The following CDH1 variants were observed in gnomAD, a reference collection of about 807,000 sequenced individuals.
The protein encoded by CDH1 is cadherin-1.
CDH1 carries 35 observed loss-of-function variants against 84.5 expected under a neutral mutation model. That is an observed-to-expected ratio of 0.41 (90% CI 0.32 to 0.55). CDH1 has a LOEUF of 0.55. CDH1 is among the 20% of genes least tolerant of loss of function. CDH1 has a pLI of 0.19. For synonymous variants in CDH1, 417 were observed against 439.0 expected (o/e 0.95, Z 0.63); for missense variants, 994 against 1,126.6 (o/e 0.88, Z 1.68).
chr16:68,793,655 G>T (rs1041448377), intron 2 of CDH1, among the ~76,000 whole-genome samples: 1 of 152,210 alleles, frequency 6.6e-6, no homozygotes, highest in Admixed American at 6.5e-5. Context: ...ACTTGGGGAG[G>T]CCAAGGCGGA....
Position 68,833,808 on chromosome 16 carries a change from C to T in CDH1, c.*309C>T, listed in dbSNP as rs562205897. Reference sequence around the variant, plus strand: ...ACAACTTTAGCATCAGAAGGTTCACCCAGCACCTTGCAGATTTTCTTAAGG... The same window carrying T: ...ACAACTTTAGCATCAGAAGGTTCACTCAGCACCTTGCAGATTTTCTTAAGG... On this transcript the variant is annotated 3_prime_UTR_variant, in exon 16 of 16. Transcript: ENST00000261769. The T allele has an allele frequency of 7.8e-5, 33 of 425,430 alleles. 1 individual carries two copies. The South Asian group carries it at 8.8e-4, about 11-fold the overall frequency. 26.4% of individuals were successfully genotyped at this position (425,430 alleles called of 1,614,324 possible).
At chr16:68,790,976 A>C (rs1159197746) in intron 2 of CDH1, among the ~76,000 whole-genome samples, 3 of 152,170 alleles carry the variant, frequency 2.0e-5, no homozygotes, top group Non-Finnish European at 2.9e-5. Flanking sequence ...TGTTGTCAAG[A>C]AGGGTATGGG....
At chr16:68,776,300 T>C (rs1212329551) in intron 2 of CDH1, among the ~76,000 whole-genome samples, 1 of 152,212 alleles carries the variant, frequency 6.6e-6, no homozygotes, top group Non-Finnish European at 1.5e-5. Context: ...TTTAGATTTC[T>C]TTTAATGTAG....
chr16:68,766,978 C>T (rs746412196), intron 2 of CDH1, among the ~76,000 whole-genome samples: 9 of 152,124 alleles, frequency 5.9e-5, no homozygotes, highest in Admixed American at 2.0e-4. Flanking sequence ...CTGCCTGTCT[C>T]GGCCTCCCAA....
intron 2 of CDH1, among the ~76,000 whole-genome samples, chr16:68,756,131 TA>T (rs113015556): frequency 0.06 from 8,930 of 149,432 alleles, 655 homozygotes; most frequent in African/African-American, 0.18. Flanking sequence ...ATTTAGGGCA[TA>T]TTTTTTTTTT....
rs962869343 is a variant in CDH1, at chr16:68,745,431, A to G, written c.163+7020A>G. 1.1e-4 allele frequency among the ~76,000 whole-genome samples: 16 copies of G among 150,120 alleles called. No individual in the cohort carries two copies. The East Asian group carries it at 2.9e-3, about 28-fold the overall frequency. Reference sequence around the variant, plus strand: ...GTGGCATGTGCATGTAGTCCCAACTACTCAGGAGGCTGAGGTGGGGGGATT... The same window carrying G: ...GTGGCATGTGCATGTAGTCCCAACTGCTCAGGAGGCTGAGGTGGGGGGATT... On this transcript the variant is annotated intron_variant, in intron 2 of 15. Transcript: ENST00000261769.
At chr16:68,762,912 CAAAAAAAAAAAAAAAAAAAA>C (rs55899466) in intron 2 of CDH1, among the ~76,000 whole-genome samples, 1 of 61,466 alleles carries the variant, frequency 1.6e-5, no homozygotes, top group South Asian at 9.2e-4. Context: ...GATTCCGTCT[CAAAAAAAAAAAAAAAAAAAA>C]AAAAAAAAAA....
At chr16:68,792,950 G>A (rs1256858036) in intron 2 of CDH1, among the ~76,000 whole-genome samples, 3 of 152,150 alleles carry the variant, frequency 2.0e-5, no homozygotes, top group African/African-American at 2.4e-5. Flanking sequence ...AGACAGAGAC[G>A]ATACATAATT....
At chr16:68,800,463 A>G (rs935914767) in intron 2 of CDH1, among the ~76,000 whole-genome samples, 1 of 152,246 alleles carries the variant, frequency 6.6e-6, no homozygotes. Flanking sequence ...CCCTGATGGA[A>G]GAAATGAAAA....
chr16:68,794,015 G>C (rs1000274223), intron 2 of CDH1, among the ~76,000 whole-genome samples: 1 of 151,028 alleles, frequency 6.6e-6, no homozygotes. Flanking sequence ...ATAGACTGTT[G>C]TTGTTGTCCA....
intron 15 of CDH1, 64 bp from the exon 16 acceptor site, chr16:68,833,226 T>TTGCCCCAGA: frequency 7.0e-7 from 1 of 1,426,744 alleles, no homozygotes; most frequent in Non-Finnish European, 9.9e-7. Flanking sequence ...GCTAGACTTC[T>TTGCCCCAGA]TGCCCCAGAT....
chr16:68,829,451 A>G (rs950329765), intron 14 of CDH1, among the ~76,000 whole-genome samples: 7 of 152,204 alleles, frequency 4.6e-5, no homozygotes, highest in African/African-American at 1.7e-4. Flanking sequence ...CATGCTACTC[A>G]CAATCCTTTG....
chr16:68,785,407 G>T (rs915270807), intron 2 of CDH1, among the ~76,000 whole-genome samples: 28 of 152,140 alleles, frequency 1.8e-4, no homozygotes, highest in Admixed American at 6.5e-4. Context: ...GGCCAGGCTG[G>T]TCTCCAACTC....
intron 2 of CDH1, among the ~76,000 whole-genome samples, chr16:68,758,166 A>G (rs1257278408): frequency 7.5e-6 from 1 of 133,018 alleles, no homozygotes; most frequent in Non-Finnish European, 1.6e-5. Flanking sequence ...CCTCTATCCC[A>G]ACCCCACCCC....
intron 2 of CDH1, among the ~76,000 whole-genome samples, chr16:68,772,280 G>T (rs922877892): frequency 1.3e-5 from 2 of 152,132 alleles, no homozygotes; most frequent in African/African-American, 4.8e-5. Flanking sequence ...TCCTCTTCGT[G>T]CCATGCATGG....
rs1366993331 is a variant in CDH1, at chr16:68,829,968, T to C, written c.2439+171T>C. Among the ~76,000 whole-genome samples the C allele has an allele frequency of 2.7e-5, 4 of 146,976 alleles. No homozygotes were observed. In the East Asian group the frequency reaches 5.9e-4, roughly 22 times the overall value. Reference sequence around the variant, plus strand: ...CTTTTTTTTTCTTTTTCTTTTTTTTTTTTTTTGAGACGAAGTTTCACTCTT... The same window carrying C: ...CTTTTTTTTTCTTTTTCTTTTTTTTCTTTTTTGAGACGAAGTTTCACTCTT... On this transcript the variant is annotated intron_variant, in intron 15 of 15. Coordinates refer to ENST00000261769, the MANE Select transcript of CDH1 (RefSeq NM_004360.5).
At chr16:68,756,593 A>C (rs751048930) in intron 2 of CDH1, among the ~76,000 whole-genome samples, 3 of 152,188 alleles carry the variant, frequency 2.0e-5, no homozygotes, top group South Asian at 2.1e-4. Context: ...GGTGACGTTC[A>C]TGTGGCTGGT....
At chr16:68,760,986 A>C (rs1466543794) in intron 2 of CDH1, among the ~76,000 whole-genome samples, 1 of 152,180 alleles carries the variant, frequency 6.6e-6, no homozygotes, top group African/African-American at 2.4e-5. Context: ...GGAATATGAC[A>C]GATGGTATAT....
Position 68,819,411 on chromosome 16 carries a change from T to C in CDH1, c.1697T>C (p.Ile566Thr), listed in dbSNP as rs763292288. ...VKNSTYTALI[I>T]ATDNGSPVAT... The stretch of plus-strand genomic sequence containing the variant: ...AACAGCACGTACACAGCCCTAATCA[T>C]AGCTACAGACAATGGTAAGGGGGCC... Residue 566 changes from isoleucine to threonine, a missense_variant, in exon 11 of 16, where the codon ATA (isoleucine) becomes ACA (threonine). Around this residue, in one of 3 missense-constraint regions of CDH1, gnomAD observed 769 missense variants for 881.8 expected, o/e 0.87. Transcript: ENST00000261769. The C allele has an allele frequency of 1.1e-5, 17 of 1,613,588 alleles. No homozygotes were observed. The highest frequency in any genetic ancestry group is 1.4e-5 in the Non-Finnish European group (17 of 1,180,028).
Sources: gnomAD v4.1 joint callset for allele counts (sites outside exome capture counted in the v4.1 genomes callset) on GRCh38, gnomAD v4.1.1 for gene constraint, gnomAD v4.1.1 regional missense constraint, MANE v1.5 for transcripts, NCBI Gene and HGNC (gene_info 2026-07-23, HGNC 2026-07-21) for gene names.